The following LDAF1 variants were observed in gnomAD, a reference collection of about 807,000 sequenced individuals.
LDAF1 encodes lipid droplet assembly factor 1.
A neutral mutation model predicts 13.5 loss-of-function variants in LDAF1; 7 were observed. The ratio of observed to expected loss-of-function variants is 0.52; its 90% CI spans 0.29 to 0.97. The LOEUF (loss-of-function observed/expected upper bound fraction) is 0.97. Ranked by LOEUF, LDAF1 falls within the 50% of genes least tolerant of loss-of-function variation. The pLI is 0.07. For missense variants in LDAF1, 148 were observed against 193.2 expected, an observed-to-expected ratio of 0.77 and a Z score of 1.39; for synonymous variants, 69 against 77.1, an observed-to-expected ratio of 0.89 and a Z score of 0.55.
chr16:21,167,404 C>T (rs2093034080), intron 2 of LDAF1, among the ~76,000 whole-genome samples: 1 of 152,166 alleles, frequency 6.6e-6, no homozygotes, highest in South Asian at 2.1e-4. Flanking sequence ...ATCTAGAATA[C>T]CAGTACTGAG....
intron 1 of LDAF1, 51 bp from the exon 2 acceptor site, chr16:21,161,034 C>G: frequency 1.4e-6 from 2 of 1,412,368 alleles, no homozygotes; most frequent in Non-Finnish European, 1.8e-6. Flanking sequence ...AAGCTCTCGT[C>G]GAACCAGATG....
At chr16:21,167,025 G>T in intron 2 of LDAF1, 1 of 964,570 alleles carries the variant, frequency 1.0e-6, no homozygotes, top group Non-Finnish European at 1.6e-6. Context: ...GCATTATGCC[G>T]TCCTGTGGCC....
chr16:21,168,546 C>T (rs2093048528), intron 2 of LDAF1, among the ~76,000 whole-genome samples: 3 of 142,276 alleles, frequency 2.1e-5, no homozygotes, highest in Non-Finnish European at 3.0e-5. Flanking sequence ...TAATATAATA[C>T]ATATTATAAT....
At chr16:21,170,662 T>G (rs567821663) in intron 3 of LDAF1, 57 bp downstream of exon 3, 1 of 1,603,972 alleles carries the variant, frequency 6.2e-7, no homozygotes, top group Non-Finnish European at 8.5e-7. Flanking sequence ...AGAAAAATAC[T>G]TTTGGGGCCA....
At chr16:21,165,603 C>T (rs1229543187) in intron 2 of LDAF1, 34 of 983,872 alleles carry the variant, frequency 3.5e-5, no homozygotes, top group Non-Finnish European at 3.9e-5. Flanking sequence ...GACTTGACCA[C>T]AGTATATCTT....
intron 3 of LDAF1, among the ~76,000 whole-genome samples, chr16:21,172,117 G>C (rs2093094170): frequency 1.3e-5 from 2 of 151,284 alleles, no homozygotes; most frequent in South Asian, 2.1e-4. Context: ...AGACCACTCT[G>C]GGCAACATAG....
intron 4 of LDAF1, among the ~76,000 whole-genome samples, chr16:21,176,814 GGCCTGA>G (rs1375411990): frequency 6.6e-6 from 1 of 151,362 alleles, no homozygotes; most frequent in Non-Finnish European, 1.5e-5. Context: ...GAGGGAGGAT[GGCCTGA>G]GCCTGGGAGG....
chr16:21,178,494 A>G, intron 4 of LDAF1: 1 of 643,376 alleles, frequency 1.6e-6, no homozygotes, highest in Non-Finnish European at 1.9e-6. Flanking sequence ...TGCTTAATGA[A>G]AAACTGGAGA....
At chr16:21,159,622 C>T (rs940802676) in intron 1 of LDAF1, among the ~76,000 whole-genome samples, 2 of 152,212 alleles carry the variant, frequency 1.3e-5, no homozygotes, top group African/African-American at 4.8e-5. Flanking sequence ...ACTCCTTGGC[C>T]GCGCCGGGTT....
intron 2 of LDAF1, among the ~76,000 whole-genome samples, chr16:21,164,874 T>C (rs2093008969): frequency 2.6e-5 from 4 of 152,138 alleles, no homozygotes; most frequent in African/African-American, 9.7e-5. Flanking sequence ...CCCCCCTGAG[T>C]TTAAATAGTG....
At chr16:21,163,910 C>T (rs1228385598) in intron 2 of LDAF1, among the ~76,000 whole-genome samples, 2 of 152,084 alleles carry the variant, frequency 1.3e-5, no homozygotes, top group Non-Finnish European at 2.9e-5. Context: ...CCATTTTGGC[C>T]ACGCTGATCT....
chr16:21,166,614 C>T (rs2093026427), intron 2 of LDAF1, among the ~76,000 whole-genome samples: 1 of 152,194 alleles, frequency 6.6e-6, no homozygotes, highest in South Asian at 2.1e-4. Context: ...CCCTCGCTGG[C>T]GCAGCATACT....
At chr16:21,164,262 G>C (rs1465200233) in intron 2 of LDAF1, among the ~76,000 whole-genome samples, 1 of 151,772 alleles carries the variant, frequency 6.6e-6, no homozygotes, top group African/African-American at 2.4e-5. Flanking sequence ...ATTTTTTATT[G>C]AGACAGAGTC....
At chr16:21,175,193 C>T (rs377194578) in intron 4 of LDAF1, among the ~76,000 whole-genome samples, 3 of 152,226 alleles carry the variant, frequency 2.0e-5, no homozygotes, top group African/African-American at 7.2e-5. Context: ...GTTCATCATA[C>T]TTCATTTAAG....
intron 3 of LDAF1, among the ~76,000 whole-genome samples, chr16:21,173,548 C>A (rs1318041054): frequency 6.6e-6 from 1 of 151,946 alleles, no homozygotes; most frequent in Admixed American, 6.6e-5. Flanking sequence ...ACCCCATCTC[C>A]TCTAAAAATA....
At chr16:21,175,268 T>C (rs1242959277) in intron 4 of LDAF1, among the ~76,000 whole-genome samples, 2 of 152,240 alleles carry the variant, frequency 1.3e-5, no homozygotes, top group African/African-American at 4.8e-5. Context: ...TCTTAAACAC[T>C]TTCCAGGCCT....
chr16:21,169,278 C>A, intron 2 of LDAF1: 1 of 401,680 alleles, frequency 2.5e-6, no homozygotes, highest in Non-Finnish European at 3.4e-6. Flanking sequence ...CAGTCTGATT[C>A]ATCAGGGCCT....
chr16:21,174,679 A>G (rs904580322), intron 4 of LDAF1, among the ~76,000 whole-genome samples: 2 of 152,214 alleles, frequency 1.3e-5, no homozygotes, highest in Non-Finnish European at 2.9e-5. Context: ...TCCATCACGT[A>G]TACACATTTC....
intron 4 of LDAF1, among the ~76,000 whole-genome samples, chr16:21,175,760 A>G (rs565841603): frequency 6.6e-6 from 1 of 152,316 alleles, no homozygotes; most frequent in East Asian, 1.9e-4. Context: ...TTATCCTGTT[A>G]TTATTCCTAT....
Sources: gnomAD v4.1 joint callset for allele counts (sites outside exome capture counted in the v4.1 genomes callset) on GRCh38, gnomAD v4.1.1 for gene constraint, MANE v1.5 for transcripts, NCBI Gene and HGNC (gene_info 2026-07-23, HGNC 2026-07-21) for gene names.